Variants in CHST15 observed in about 807,000 individuals in gnomAD.
CHST15 encodes carbohydrate sulfotransferase 15.
In CHST15, 30 loss-of-function variants were observed where a neutral mutation model predicts 53.6. The observed-to-expected ratio is 0.56, with a 90% confidence interval of 0.42 to 0.76. The LOEUF is 0.76. CHST15 is among the 30% of genes least tolerant of loss of function. The pLI is 0.00. For synonymous variants in CHST15, 296 were observed against 289.8 expected (o/e 1.02, Z -0.22); for missense variants, 627 against 740.5 (o/e 0.85, Z 1.78).
chr10:124,037,445 G>A (rs568830395), intron 5 of CHST15, among the ~76,000 whole-genome samples: 1 of 152,264 alleles, frequency 6.6e-6, no homozygotes, highest in East Asian at 1.9e-4. Flanking sequence ...AAACAGACCT[G>A]GTCTCAAAAT....
At chr10:124,048,009 AC>A (rs1219031165) in intron 1 of CHST15, among the ~76,000 whole-genome samples, 1 of 152,216 alleles carries the variant, frequency 6.6e-6, no homozygotes, top group Non-Finnish European at 1.5e-5. Context: ...ATCGCCATGT[AC>A]TGGCTGAAGG....
At position 124,045,725 on chromosome 10, in the gene CHST15, A is replaced by G; in HGVS notation, c.488T>C (p.Ile163Thr). Reference protein sequence around the residue: ...KLIINSITTRIEFTTRQLPDL... With the variant: ...KLIINSITTRTEFTTRQLPDL... Reference sequence around the variant, plus strand: ...TGGGAGCTGTCTGGTCGTGAACTCAATCCTAGTTGTGATGCTGTTGATAAT... The same window carrying G: ...TGGGAGCTGTCTGGTCGTGAACTCAGTCCTAGTTGTGATGCTGTTGATAAT... The change falls in exon 2 of 8, where the codon ATT becomes ACT. Residue 163 changes from isoleucine (I) to threonine (T), a missense_variant. By Grantham distance (89) the Ile-to-Thr change is moderately conservative. This residue lies in a region of CHST15 where 187 missense variants were observed against 251.8 expected (regional missense o/e 0.74). Coordinates refer to ENST00000435907, the MANE Select transcript of CHST15 (RefSeq NM_001270764.2). 2 of 1,614,030 alleles carry G rather than the reference A, an allele frequency of 1.2e-6. No homozygotes were observed. Among genetic ancestry groups the G allele is most frequent in the Non-Finnish European group, 1.7e-6 (2 of 1,179,952 alleles).
intron 5 of CHST15, among the ~76,000 whole-genome samples, chr10:124,031,058 C>T (rs1227701746): frequency 2.0e-5 from 3 of 152,214 alleles, no homozygotes; most frequent in East Asian, 1.9e-4. Flanking sequence ...CTCCTGGGAA[C>T]GAGCCTCAGC....
At chr10:124,043,887 AGGAACAGCACAGAGCAGG>A (rs1318732080) in intron 3 of CHST15, among the ~76,000 whole-genome samples, 2,600 of 149,760 alleles carry the variant, frequency 0.017, 133 homozygotes, top group African/African-American at 0.061. Context: ...CACAGAGCAG[AGGAACAGCACAGAGCAGG>A]GGAACAGCAC....
At chr10:124,091,682 T>C (rs747565155) in intron 1 of CHST15, among the ~76,000 whole-genome samples, 4 of 152,182 alleles carry the variant, frequency 2.6e-5, no homozygotes, top group Non-Finnish European at 5.9e-5. Context: ...TCGGTACAAT[T>C]AACTTAACCA....
intron 5 of CHST15, among the ~76,000 whole-genome samples, chr10:124,034,873 C>T (rs1362415860): frequency 6.9e-6 from 1 of 144,540 alleles, no homozygotes. Context: ...TGGCTCTACT[C>T]CCTAACAGGG....
At chr10:124,055,074 T>G (rs1948331783) in intron 1 of CHST15, among the ~76,000 whole-genome samples, 1 of 152,134 alleles carries the variant, frequency 6.6e-6, no homozygotes, top group Non-Finnish European at 1.5e-5. Flanking sequence ...AACCCTTCTC[T>G]TCCACTGCCG....
chr10:124,017,430 C>G (rs1352842970), intron 6 of CHST15, among the ~76,000 whole-genome samples: 14 of 152,162 alleles, frequency 9.2e-5, no homozygotes, highest in Admixed American at 9.2e-4. Context: ...TGACTGACTC[C>G]TGTCTTCCCA....
intron 1 of CHST15, among the ~76,000 whole-genome samples, chr10:124,069,185 C>G (rs1166862266): frequency 6.6e-6 from 1 of 152,224 alleles, no homozygotes; most frequent in Non-Finnish European, 1.5e-5. Context: ...GTTGCAAACT[C>G]CCACAGATCA....
intron 1 of CHST15, among the ~76,000 whole-genome samples, chr10:124,060,757 A>G (rs1384669647): frequency 3.3e-5 from 5 of 152,214 alleles, no homozygotes; most frequent in Non-Finnish European, 7.3e-5. Context: ...AAATGAAGTT[A>G]TATCCACGTA....
At chr10:124,034,362 G>T (rs1015379249) in intron 5 of CHST15, among the ~76,000 whole-genome samples, 1 of 152,114 alleles carries the variant, frequency 6.6e-6, no homozygotes, top group Non-Finnish European at 1.5e-5. Context: ...CTCAGGCTGG[G>T]GTAAGAGAGA....
chr10:124,063,776 C>T (rs570228948), intron 1 of CHST15, among the ~76,000 whole-genome samples: 57 of 152,286 alleles, frequency 3.7e-4, no homozygotes, highest in Middle Eastern at 6.8e-3. Flanking sequence ...TTGCTTAAAC[C>T]ACCGCTGTCT....
At chr10:124,050,312 G>A (rs1297486123) in intron 1 of CHST15, among the ~76,000 whole-genome samples, 3 of 152,132 alleles carry the variant, frequency 2.0e-5, no homozygotes, top group Non-Finnish European at 4.4e-5. Flanking sequence ...GGGGCTGCAG[G>A]GCACAAGCTA....
Position 124,019,942 on chromosome 10 carries a change from T to A in CHST15, c.1347+1314A>T, listed in dbSNP as rs1013338085. On this transcript the variant is annotated intron_variant, in intron 6 of 7. Transcript: ENST00000435907. This position sits in a 1 kb window ranked among gnomAD's most constrained non-coding sequence, Gnocchi z 4.6. ...GGGCCTCTGCACACGCTGCTCTCAG[T>A]TCCCTGGCCAACTCTCCTTCAGGCC... is the stretch of plus-strand genomic sequence containing the variant. The A allele has an allele frequency of 1.3e-5, 13 of 985,722 alleles. No homozygotes were observed. The highest frequency in any genetic ancestry group is 1.7e-5 in the African/African-American group (1 of 57,230). The allele number at this position is 985,722 out of a possible 1,614,324, so 61.1% of individuals were successfully genotyped here.
chr10:124,027,475 T>C (rs1332555806), intron 5 of CHST15, among the ~76,000 whole-genome samples: 1 of 152,196 alleles, frequency 6.6e-6, no homozygotes, highest in African/African-American at 2.4e-5. Flanking sequence ...TCAGGGACAC[T>C]TACAGCGTGC....
intron 1 of CHST15, among the ~76,000 whole-genome samples, chr10:124,067,382 C>A (rs1286633442): frequency 1.3e-5 from 2 of 152,106 alleles, no homozygotes; most frequent in Non-Finnish European, 2.9e-5. Flanking sequence ...GCATGGAAGC[C>A]GCTAGAACAG....
At chr10:124,053,796 T>G (rs1433016353) in intron 1 of CHST15, among the ~76,000 whole-genome samples, 1 of 152,090 alleles carries the variant, frequency 6.6e-6, no homozygotes, top group African/African-American at 2.4e-5. Flanking sequence ...TGCACACCTG[T>G]AGTCCCAGCT....
rs1166105653 is a variant in CHST15, at chr10:124,074,131, CA to C, written c.-513+19337del. 6.6e-6 allele frequency among the ~76,000 whole-genome samples: 1 copy of C among 152,224 alleles called. No individual in the cohort carries two copies. The highest frequency in any genetic ancestry group is 1.5e-5 in the Non-Finnish European group (1 of 68,038). On this transcript the variant is annotated intron_variant, in intron 1 of 7. Transcript: ENST00000435907. This position sits in a 1 kb window ranked among gnomAD's most constrained non-coding sequence, Gnocchi z 4.4. Reference sequence around the variant, plus strand: ...GAAGTGGGTGTGATTAGCGCAAGCTCAAGTCACGCCTGCTGCACCCCCAGGG... The same window carrying C: ...GAAGTGGGTGTGATTAGCGCAAGCTCAGTCACGCCTGCTGCACCCCCAGGG...
In CHST15 at chr10:124,008,688, C is replaced by T. The variant is rs1028130658; in HGVS notation, c.*1461G>A. ...CGAAGCCTGGTCTGTCTCACACATACAAGTTAGAGCTGGGTAGACGGGTGC... is the reference window on the plus strand; with the variant it reads ...CGAAGCCTGGTCTGTCTCACACATATAAGTTAGAGCTGGGTAGACGGGTGC... On this transcript the variant is annotated 3_prime_UTR_variant, in exon 8 of 8. Coordinates refer to ENST00000435907, the MANE Select transcript of CHST15 (RefSeq NM_001270764.2). 216 of 1,118,226 alleles carry T rather than the reference C, an allele frequency of 1.9e-4. No individual in the cohort carries two copies. The highest frequency in any genetic ancestry group is 3.6e-4 in the Admixed American group (9 of 24,870). 69.3% of individuals were successfully genotyped at this position (1,118,226 alleles called of 1,614,324 possible). A position where few individuals can be genotyped will look rare whatever the true frequency, so the allele number is the denominator to read the frequency against.
Sources: gnomAD v4.1 joint callset for allele counts (sites outside exome capture counted in the v4.1 genomes callset) on GRCh38, gnomAD v4.1.1 for gene constraint, gnomAD v4.1.1 regional missense constraint, Gnocchi (gnomAD v3.1) non-coding constraint, MANE v1.5 for transcripts, NCBI Gene and HGNC (gene_info 2026-07-23, HGNC 2026-07-21) for gene names.